CACNA2D1: variants seen among roughly 807,000 people sequenced by gnomAD.
CACNA2D1 encodes the protein voltage-dependent calcium channel subunit alpha-2/delta-1.
Under a neutral mutation model 171.5 loss-of-function variants are expected in CACNA2D1, and 53 were observed. The ratio of observed to expected loss-of-function variants is 0.31; its 90% confidence interval spans 0.25 to 0.39. CACNA2D1 has a LOEUF of 0.39. Among genes scored for constraint, CACNA2D1 ranks in the 10% least tolerant of loss-of-function variants. The pLI is 1.00. For synonymous variants in CACNA2D1, 442 were observed against 443.1 expected, an observed-to-expected ratio of 1.00 and a Z score of 0.03; for missense variants, 903 against 1,299.8, an observed-to-expected ratio of 0.69 and a Z score of 4.69.
At chr7:82,132,606 ATCT>A in intron 5 of CACNA2D1, among the ~76,000 whole-genome samples, 1 of 152,250 alleles carries the variant, frequency 6.6e-6, no homozygotes, top group East Asian at 1.9e-4. Flanking sequence ...TGGAACACCG[ATCT>A]TGGAGCACAA....
In CACNA2D1 at chr7:82,443,443, A is replaced by C. The variant is rs1458125056; in HGVS notation, c.17T>G (p.Leu6Arg). 1 of 1,607,784 alleles carries C rather than the reference A, an allele frequency of 6.2e-7. No homozygotes were observed. Among genetic ancestry groups the C allele is most frequent in the East Asian group, 2.2e-5 (1 of 44,448 alleles). MAAGC[L>R]LALTLTLFQS... ...GAAAAGTGTCAGAGTCAAGGCCAGC[A>C]GGCAGCCAGCAGCCATCTTCGCGAT... Residue 6 changes from leucine (L) to arginine (R), a missense_variant, in exon 1 of 39, where the codon CTG (leucine) becomes CGG (arginine). Around this residue, in one of 5 missense-constraint regions of CACNA2D1, gnomAD observed 41 missense variants for 27.6 expected, o/e 1.49. Coordinates refer to ENST00000356860, the MANE Select transcript of CACNA2D1 (RefSeq NM_000722.4).
chr7:82,366,206 C>A (rs13222076), intron 1 of CACNA2D1, among the ~76,000 whole-genome samples: 124 of 141,864 alleles, frequency 8.7e-4, no homozygotes, highest in Non-Finnish European at 1.7e-3. Flanking sequence ...AAAGCAGTTC[C>A]TTTTATTCTA....
chr7:82,179,202 T>C (rs2129165940), intron 3 of CACNA2D1, among the ~76,000 whole-genome samples: 1 of 149,542 alleles, frequency 6.7e-6, no homozygotes, highest in East Asian at 2.0e-4. Context: ...CACTCTGGGG[T>C]CTTAGAATTT....
chr7:82,199,770 T>A (rs1479678984), intron 3 of CACNA2D1, among the ~76,000 whole-genome samples: 2 of 152,006 alleles, frequency 1.3e-5, no homozygotes, highest in Admixed American at 6.6e-5. Flanking sequence ...AAAAGAGACA[T>A]ACAGGAGAAG....
intron 7 of CACNA2D1, 59 bp downstream of exon 7, chr7:82,084,710 G>A (rs1810239370): frequency 5.1e-6 from 8 of 1,574,596 alleles, no homozygotes; most frequent in Non-Finnish European, 7.0e-6. Context: ...AGATAACAGA[G>A]TATTCTCCAG....
chr7:82,103,332 T>A lies in CACNA2D1; in HGVS notation c.526+13712A>T, dbSNP rs1215692085. Among the ~76,000 whole-genome samples, 4 of 151,976 alleles carry A rather than the reference T, an allele frequency of 2.6e-5. No individual in the cohort carries two copies. In the East Asian group the frequency reaches 7.7e-4, roughly 29 times the overall value. ...AATAATCTAACAAAAAAACAGAAAG[T>A]CTGGAATGTGTTTAGAATTACCCAT... is the stretch of plus-strand genomic sequence containing the variant. On this transcript the variant is annotated intron_variant, in intron 6 of 38. Transcript: ENST00000356860.
chr7:82,252,639 C>T (rs1805785218), intron 3 of CACNA2D1, among the ~76,000 whole-genome samples: 1 of 152,176 alleles, frequency 6.6e-6, no homozygotes, highest in Non-Finnish European at 1.5e-5. Context: ...CGCCTGTAAT[C>T]CCAGCAGTTT....
intron 3 of CACNA2D1, among the ~76,000 whole-genome samples, chr7:82,239,708 C>T (rs1176539441): frequency 1.3e-5 from 2 of 152,054 alleles, no homozygotes; most frequent in East Asian, 3.9e-4. Context: ...GTCATGTAGC[C>T]TAAATGTCTC....
chr7:82,333,089 A>T (rs1231021539), intron 3 of CACNA2D1, among the ~76,000 whole-genome samples: 1 of 152,236 alleles, frequency 6.6e-6, no homozygotes, highest in African/African-American at 2.4e-5. Flanking sequence ...AAAAATTTTT[A>T]AAGTTTATCA....
chr7:82,436,117 A>C (rs1213975995), intron 1 of CACNA2D1, among the ~76,000 whole-genome samples: 2 of 152,206 alleles, frequency 1.3e-5, no homozygotes, highest in Non-Finnish European at 2.9e-5. Flanking sequence ...AGCTCAGCGC[A>C]GTACGTAATT....
intron 1 of CACNA2D1, among the ~76,000 whole-genome samples, chr7:82,357,785 A>G (rs1820618749): frequency 6.6e-6 from 1 of 151,620 alleles, no homozygotes; most frequent in Non-Finnish European, 1.5e-5. Flanking sequence ...TGGGTGCAGC[A>G]CACCAACATG....
chr7:82,217,394 CATAT>C (rs6150191), intron 3 of CACNA2D1, among the ~76,000 whole-genome samples: 1,054 of 102,492 alleles, frequency 0.01, 36 homozygotes, highest in East Asian at 0.047. Flanking sequence ...CACACACATA[CATAT>C]ATATATATAT....
intron 7 of CACNA2D1, among the ~76,000 whole-genome samples, chr7:82,079,755 CT>C (rs1809468768): frequency 6.7e-6 from 1 of 148,688 alleles, no homozygotes; most frequent in Non-Finnish European, 1.5e-5. Context: ...TTACCAAAGA[CT>C]GGGTTGGTTA....
At chr7:82,120,576 G>A (rs1437873430) in intron 5 of CACNA2D1, among the ~76,000 whole-genome samples, 2 of 147,844 alleles carry the variant, frequency 1.4e-5, no homozygotes, top group Non-Finnish European at 3.0e-5. Flanking sequence ...CAACACTATG[G>A]ATTAAAAAGT....
At chr7:82,390,627 T>G (rs1049270778) in intron 1 of CACNA2D1, among the ~76,000 whole-genome samples, 1 of 152,182 alleles carries the variant, frequency 6.6e-6, no homozygotes, top group Non-Finnish European at 1.5e-5. Flanking sequence ...TTACTGTGGA[T>G]GTGTATGGTT....
At chr7:82,123,836 C>G (rs1419659256) in intron 5 of CACNA2D1, among the ~76,000 whole-genome samples, 1 of 152,078 alleles carries the variant, frequency 6.6e-6, no homozygotes, top group East Asian at 1.9e-4. Flanking sequence ...ATATATTATA[C>G]ATACTTATTC....
chr7:82,059,647 C>T (rs990354696), intron 10 of CACNA2D1, among the ~76,000 whole-genome samples: 1 of 151,722 alleles, frequency 6.6e-6, no homozygotes, highest in African/African-American at 2.4e-5. Context: ...ATTACTTTAA[C>T]CAGGGATAAA....
chr7:82,280,706 G>A (rs1334645623), intron 3 of CACNA2D1, among the ~76,000 whole-genome samples: 1 of 152,020 alleles, frequency 6.6e-6, no homozygotes, highest in Non-Finnish European at 1.5e-5. Context: ...TTTAGAGACA[G>A]AGTTTTGCTT....
chr7:82,160,747 A>G lies in CACNA2D1; in HGVS notation c.354+9803T>C, dbSNP rs187238977. On this transcript the variant is annotated intron_variant, in intron 4 of 38. Transcript: ENST00000356860. Reference sequence around the variant, plus strand: ...CCTTGGCCTCCCAAGTGCTGGGATTATGGGCAGAAGCCACCACACCTGGCA... The same window carrying G: ...CCTTGGCCTCCCAAGTGCTGGGATTGTGGGCAGAAGCCACCACACCTGGCA... Among the ~76,000 whole-genome samples the G allele has an allele frequency of 3.2e-4, 48 of 152,184 alleles. No individual in the cohort carries two copies. In the East Asian group the frequency reaches 8.7e-3, roughly 28 times the overall value.
Sources: allele counts gnomAD v4.1 joint callset (sites outside exome capture counted in the v4.1 genomes callset), GRCh38; gene constraint gnomAD v4.1.1; regional missense constraint gnomAD v4.1.1; transcripts MANE v1.5; gene names NCBI Gene and HGNC (gene_info 2026-07-23, HGNC 2026-07-21).